ARHGEF4: variants seen among roughly 807,000 people sequenced by gnomAD.
ARHGEF4 encodes the protein Rho guanine nucleotide exchange factor 4.
ARHGEF4 carries 119 observed loss-of-function variants against 162.0 expected under a neutral mutation model. That is an observed-to-expected ratio of 0.73 (90% confidence interval 0.63 to 0.86). ARHGEF4 has a LOEUF of 0.86. Among genes scored for constraint, ARHGEF4 ranks in the 40% least tolerant of loss-of-function variants. The pLI is 0.00. For missense variants in ARHGEF4, 2,488 were observed against 2,456.0 expected, an observed-to-expected ratio of 1.01 and a Z score of -0.28; for synonymous variants, 1,014 against 979.9, an observed-to-expected ratio of 1.03 and a Z score of -0.65.
intron 4 of ARHGEF4, among the ~76,000 whole-genome samples, chr2:130,998,789 G>A (rs570359669): frequency 5.9e-5 from 9 of 152,288 alleles, no homozygotes; most frequent in Admixed American, 4.6e-4. Context: ...TTGTGTACAC[G>A]TTTTGTGTGA....
chr2:131,032,028 C>T (rs1197327573), intron 5 of ARHGEF4, among the ~76,000 whole-genome samples: 1 of 152,150 alleles, frequency 6.6e-6, no homozygotes, highest in Middle Eastern at 3.2e-3. Context: ...TAGGGTCTCC[C>T]ATTGCCCACT....
chr2:130,948,840 C>T (rs1683780382), intron 4 of ARHGEF4, among the ~76,000 whole-genome samples: 1 of 152,160 alleles, frequency 6.6e-6, no homozygotes, highest in Non-Finnish European at 1.5e-5. Context: ...AGTGAAAGCT[C>T]CTGTTTTCCT....
chr2:130,886,839 A>AT (rs910237634), intron 1 of ARHGEF4, among the ~76,000 whole-genome samples: 3,635 of 147,706 alleles, frequency 0.025, 168 homozygotes, highest in African/African-American at 0.08. Flanking sequence ...ACTTTTGGTA[A>AT]TTTTTTTTTT....
rs1682998335 is a variant in ARHGEF4 at position 130,937,050 on chromosome 2, G to C, written c.3858+5793G>C. ...AGCCTCCCAAGTAGCTGGGATTACA[G>C]GCATGCACCACCAGGCCTGGCTAAT... On this transcript the variant is annotated intron_variant, in intron 3 of 13. Coordinates refer to ENST00000409359, the MANE Select transcript of ARHGEF4 (RefSeq NM_001367493.1). Among the ~76,000 whole-genome samples, 6 of 151,816 alleles carry C rather than the reference G, an allele frequency of 4.0e-5. No homozygotes were observed. In the South Asian group the frequency reaches 1.2e-3, roughly 32 times the overall value.
chr2:130,893,524 T>C (rs1258358928), intron 1 of ARHGEF4, among the ~76,000 whole-genome samples: 2 of 152,192 alleles, frequency 1.3e-5, no homozygotes, highest in East Asian at 3.9e-4. Flanking sequence ...CCATGACTCT[T>C]TTCTGCTTTG....
intron 2 of ARHGEF4, among the ~76,000 whole-genome samples, chr2:130,924,415 C>T (rs966067304): frequency 4.6e-5 from 7 of 151,838 alleles, no homozygotes; most frequent in South Asian, 2.1e-4. Context: ...TACAGGCACC[C>T]GCCACCACAC....
Position 130,936,995 on chromosome 2 carries a change from C to T in ARHGEF4, c.3858+5738C>T, listed in dbSNP as rs1188641748. ...CAATCTTGGCTCACCGCAACCACCA[C>T]CTCCTAAGTTCAAGCAATTCTCCTG... On this transcript the variant is annotated intron_variant, in intron 3 of 13. Transcript: ENST00000409359. Among the ~76,000 whole-genome samples the T allele has an allele frequency of 2.0e-5, 3 of 148,220 alleles. No homozygotes were observed. The Admixed American group carries it at 2.1e-4, about 10-fold the overall frequency.
rs370583584 is a variant in ARHGEF4 at position 130,959,189 on chromosome 2, G to T, written c.3985+12554G>T. Among the ~76,000 whole-genome samples, 384 of 151,882 alleles carry T rather than the reference G, an allele frequency of 2.5e-3. 3 individuals are homozygous for T. The highest frequency in any genetic ancestry group is 0.021 in the Middle Eastern group (6 of 292). On this transcript the variant is annotated intron_variant, in intron 4 of 13. Transcript: ENST00000409359. Reference sequence around the variant, plus strand: ...ACTCCTGACCTCAGGTGATCTGCCTGCCTCGGCCTCCCAAAGTGCTAGGAT... The same window carrying T: ...ACTCCTGACCTCAGGTGATCTGCCTTCCTCGGCCTCCCAAAGTGCTAGGAT...
At chr2:130,971,204 C>CA (rs1390983224) in intron 4 of ARHGEF4, among the ~76,000 whole-genome samples, 1 of 152,124 alleles carries the variant, frequency 6.6e-6, no homozygotes, top group Non-Finnish European at 1.5e-5. Flanking sequence ...GTACCTTTGT[C>CA]AAAAAACAAC....
rs1481937776 is a variant in ARHGEF4, at chr2:130,914,227, G to A, written c.281G>A (p.Gly94Asp). The A allele has an allele frequency of 5.9e-6, 9 of 1,535,906 alleles. No individual in the cohort carries two copies. Among genetic ancestry groups the A allele is most frequent in the African/African-American group, 2.7e-5 (2 of 73,032 alleles). Reference protein sequence around the residue: ...LPRGVFHPLRGTPVDIEAPWE... With the variant: ...LPRGVFHPLRDTPVDIEAPWE... ...AGGGGAGTCTTCCACCCTCTAAGAG[G>A]TACTCCCGTAGATATAGAAGCACCT... The change falls in exon 2 of 14, where the codon GGT becomes GAT. Residue 94 changes from glycine (G) to aspartate (D), a missense_variant. Coordinates refer to ENST00000409359, the MANE Select transcript of ARHGEF4 (RefSeq NM_001367493.1).
At chr2:130,920,225 C>T (rs1410994343) in intron 2 of ARHGEF4, among the ~76,000 whole-genome samples, 1 of 152,240 alleles carries the variant, frequency 6.6e-6, no homozygotes, top group Non-Finnish European at 1.5e-5. Context: ...CCTCTTGCCT[C>T]AGCCTCCCAA....
At chr2:130,974,856 A>G (rs958645301) in intron 4 of ARHGEF4, among the ~76,000 whole-genome samples, 8 of 152,144 alleles carry the variant, frequency 5.3e-5, no homozygotes, top group African/African-American at 1.9e-4. Flanking sequence ...AATACACAGA[A>G]TCTCTGCCAT....
chr2:130,839,580 C>T (rs1234591488), intron 1 of ARHGEF4, among the ~76,000 whole-genome samples: 3 of 152,152 alleles, frequency 2.0e-5, no homozygotes, highest in Non-Finnish European at 2.9e-5. Flanking sequence ...AGTCCCTCCC[C>T]GTGCAGGCAG....
At chr2:130,857,019 A>C (rs545336206) in intron 1 of ARHGEF4, among the ~76,000 whole-genome samples, 3 of 152,104 alleles carry the variant, frequency 2.0e-5, no homozygotes, top group Non-Finnish European at 4.4e-5. Context: ...TCAGGAGATC[A>C]AGACCATCCT....
At chr2:130,946,031 G>C (rs991692979) in intron 3 of ARHGEF4, among the ~76,000 whole-genome samples, 1 of 152,172 alleles carries the variant, frequency 6.6e-6, no homozygotes, top group Admixed American at 6.5e-5. Flanking sequence ...TACAGAAAAG[G>C]CTTATATCCC....
intron 4 of ARHGEF4, among the ~76,000 whole-genome samples, chr2:130,965,680 C>A (rs1558779713): frequency 6.6e-6 from 1 of 152,222 alleles, no homozygotes. Context: ...GACACCTCCT[C>A]CTTTCTTTCT....
At chr2:130,884,485 C>T (rs931426818) in intron 1 of ARHGEF4, among the ~76,000 whole-genome samples, 1 of 152,032 alleles carries the variant, frequency 6.6e-6, no homozygotes, top group African/African-American at 2.4e-5. Context: ...TAATGCCTAT[C>T]TCAGAGGACT....
At chr2:131,029,589 C>T (rs927556798) in intron 5 of ARHGEF4, among the ~76,000 whole-genome samples, 8 of 147,360 alleles carry the variant, frequency 5.4e-5, no homozygotes, top group South Asian at 2.1e-4. Context: ...TCACTCTTGT[C>T]GCCCAGGCTG....
At position 130,961,967 on chromosome 2, in the gene ARHGEF4, G is replaced by A. The variant is rs368216621; in HGVS notation, c.3985+15332G>A. 1.2e-4 allele frequency among the ~76,000 whole-genome samples: 19 copies of A among 152,248 alleles called. No homozygotes were observed. The South Asian group carries it at 2.3e-3, about 18-fold the overall frequency. Reference sequence around the variant, plus strand: ...AAGAAAGACTGGAAGCAGGCCGGGCGCGGTGGCTCATGCCTGTAATCCCAG... The same window carrying A: ...AAGAAAGACTGGAAGCAGGCCGGGCACGGTGGCTCATGCCTGTAATCCCAG... On this transcript the variant is annotated intron_variant, in intron 4 of 13. Coordinates refer to ENST00000409359, the MANE Select transcript of ARHGEF4 (RefSeq NM_001367493.1).
Sources: allele counts gnomAD v4.1 joint callset (sites outside exome capture counted in the v4.1 genomes callset), GRCh38; gene constraint gnomAD v4.1.1; transcripts MANE v1.5; gene names NCBI Gene and HGNC (gene_info 2026-07-23, HGNC 2026-07-21).